LINGO3: variants seen among roughly 807,000 people sequenced by gnomAD.
The protein encoded by LINGO3 is leucine-rich repeat and immunoglobulin-like domain-containing nogo receptor-interacting protein 3.
For missense variants in LINGO3, 750 were observed against 867.7 expected (o/e 0.86, Z 1.70); for synonymous variants, 427 against 444.2 (o/e 0.96, Z 0.49).
upstream of LINGO3, among the ~76,000 whole-genome samples, chr19:2,294,027 G>A (rs1408524630): frequency 6.6e-6 from 1 of 152,062 alleles, no homozygotes; most frequent in Non-Finnish European, 1.5e-5. The surrounding 1 kb of genome is among the most constrained non-coding windows in gnomAD (Gnocchi z 4.3). Context: ...TCTAGCCACT[G>A]GGCAACAGAG....
chr19:2,305,761 C>T, the LINGO3 span, among the ~76,000 whole-genome samples: 2 of 152,140 alleles, frequency 1.3e-5, no homozygotes, highest in South Asian at 2.1e-4. Flanking sequence ...ACAACCAGGG[C>T]GGTGGGAGTA....
chr19:2,308,143 G>GCCGCCA, the LINGO3 span, among the ~76,000 whole-genome samples: 2 of 20,734 alleles, frequency 9.6e-5, no homozygotes, highest in Non-Finnish European at 2.2e-4. Context: ...GACACGAGCA[G>GCCGCCA]CCGCCGCCGC....
the LINGO3 span, among the ~76,000 whole-genome samples, chr19:2,299,357 G>A: frequency 6.6e-6 from 1 of 152,176 alleles, no homozygotes. Context: ...TGTGTACACG[G>A]CCTGCATCTG....
At chr19:2,297,727 A>G in the LINGO3 span, among the ~76,000 whole-genome samples, 3 of 146,454 alleles carry the variant, frequency 2.0e-5, no homozygotes, top group Non-Finnish European at 3.0e-5. Context: ...GTCTCAGCCT[A>G]CCAAGTAGCT....
the LINGO3 span, among the ~76,000 whole-genome samples, chr19:2,302,759 C>A: frequency 6.6e-6 from 1 of 152,254 alleles, no homozygotes. Flanking sequence ...GCAGCTGAGG[C>A]CGCAGAGGCC....
chr19:2,307,622 G>A, the LINGO3 span, among the ~76,000 whole-genome samples: 2 of 152,322 alleles, frequency 1.3e-5, no homozygotes, highest in Non-Finnish European at 2.9e-5. Context: ...GTGGACCCCA[G>A]ATACCCTTTG....
the LINGO3 span, among the ~76,000 whole-genome samples, chr19:2,297,677 T>C: frequency 6.8e-6 from 1 of 146,704 alleles, no homozygotes. Flanking sequence ...CGATCTCAAC[T>C]TACTGCAACC....
the LINGO3 span, among the ~76,000 whole-genome samples, chr19:2,304,771 G>A: frequency 2.8e-5 from 4 of 142,036 alleles, no homozygotes; most frequent in South Asian, 2.3e-4. Flanking sequence ...AGGCTGGTGC[G>A]ATCTTGGCTC....
At chr19:2,298,432 C>G in the LINGO3 span, among the ~76,000 whole-genome samples, 2 of 149,052 alleles carry the variant, frequency 1.3e-5, no homozygotes, top group Non-Finnish European at 3.0e-5. Context: ...GGGTCTCACT[C>G]TATTGCCCAG....
At chr19:2,289,766 C>CAT (rs577306369), downstream of LINGO3, 173 of 457,152 alleles carry the variant, frequency 3.8e-4, 1 homozygote, top group East Asian at 5.4e-3. Flanking sequence ...GCTCAGCCAC[C>CAT]ATAGCAGGGA....
At chr19:2,301,752 C>A in the LINGO3 span, among the ~76,000 whole-genome samples, 4 of 151,704 alleles carry the variant, frequency 2.6e-5, no homozygotes, top group Admixed American at 2.6e-4. Context: ...ATGGTGAAAC[C>A]CCGTCTCTAC....
downstream of LINGO3, among the ~76,000 whole-genome samples, chr19:2,287,256 G>A (rs1473033582): frequency 1.3e-5 from 2 of 151,980 alleles, no homozygotes; most frequent in Non-Finnish European, 2.9e-5. This position sits in a 1 kb window ranked among gnomAD's most constrained non-coding sequence, Gnocchi z 4.5. Flanking sequence ...TTCATGTTGG[G>A]ATGGGGTGGG....
At chr19:2,297,410 T>G in the LINGO3 span, among the ~76,000 whole-genome samples, 2 of 148,566 alleles carry the variant, frequency 1.3e-5, no homozygotes, top group Non-Finnish European at 3.0e-5. Context: ...GTTCACGCCA[T>G]TCTCCTGCTT....
At chr19:2,297,790 C>G in the LINGO3 span, among the ~76,000 whole-genome samples, 3 of 149,606 alleles carry the variant, frequency 2.0e-5, no homozygotes, top group Admixed American at 2.0e-4. Flanking sequence ...TTTTTAGTAG[C>G]GATGGGGTTT....
upstream of LINGO3, among the ~76,000 whole-genome samples, chr19:2,296,571 T>A (rs1264620718): frequency 2.0e-5 from 3 of 152,054 alleles, no homozygotes; most frequent in Middle Eastern, 3.4e-3. Flanking sequence ...CTCCACCTCC[T>A]GGGTTCAGGT....
At chr19:2,302,147 T>C in the LINGO3 span, among the ~76,000 whole-genome samples, 1 of 145,018 alleles carries the variant, frequency 6.9e-6, no homozygotes, top group Non-Finnish European at 1.5e-5. Context: ...CTGCAACCTC[T>C]GCCTCCCGGG....
chr19:2,304,688 G>T, the LINGO3 span, among the ~76,000 whole-genome samples: 18 of 146,326 alleles, frequency 1.2e-4, no homozygotes, highest in Non-Finnish European at 2.7e-4. Flanking sequence ...CAGCAGGAGG[G>T]CCCAGCCTTG....
chr19:2,297,815 G>C, the LINGO3 span, among the ~76,000 whole-genome samples: 1 of 151,828 alleles, frequency 6.6e-6, no homozygotes, highest in Non-Finnish European at 1.5e-5. Context: ...ATGTTAGCCA[G>C]GCTGGTCTCA....
rs1460343708 is a variant in LINGO3 at position 2,290,317 on chromosome 19, C to A, written c.1460G>T (p.Gly487Val). ...CAGCGTGGCGAAGTAGGTGTCGTTG[C>A]CGCCCGCGTTGCTGGCCACGCACGT... Residue 487 changes from glycine (G) to valine (V), a missense_variant, in exon 1 of 1, where the codon GGC becomes GTC. By Grantham distance (109) the Gly-to-Val change is moderately radical. Transcript: ENST00000585527. The surrounding 1 kb of genome is among the most constrained non-coding windows in gnomAD (Gnocchi z 6.0). 7 of 1,561,596 alleles carry A rather than the reference C, an allele frequency of 4.5e-6. No individual in the cohort carries two copies. The highest frequency in any genetic ancestry group is 1.2e-5 in the South Asian group (1 of 86,754).
Sources: allele counts gnomAD v4.1 joint callset (sites outside exome capture counted in the v4.1 genomes callset), GRCh38; gene constraint gnomAD v4.1.1; non-coding constraint Gnocchi (gnomAD v3.1); transcripts MANE v1.5; gene names NCBI Gene and HGNC (gene_info 2026-07-23, HGNC 2026-07-21).